Variants in CNIH3 observed in about 807,000 individuals in gnomAD.
The protein encoded by CNIH3 is cornichon family AMPA receptor auxiliary protein 3, also known as protein cornichon homolog 3.
CNIH3 carries 14 observed loss-of-function variants against 24.1 expected under a neutral mutation model. That is an observed-to-expected ratio of 0.58 (90% CI 0.38 to 0.91). The LOEUF (loss-of-function observed/expected upper bound fraction) is 0.91, where lower values mean the gene tolerates loss of function less well. Among genes scored for constraint, CNIH3 ranks in the 40% least tolerant of loss-of-function variants. The pLI is 0.00. For synonymous variants in CNIH3, 68 were observed against 73.8 expected (o/e 0.92, Z 0.40); for missense variants, 178 against 196.8 (o/e 0.90, Z 0.57).
chr1:224,481,084 G>A (rs1007608028), intron 1 of CNIH3, among the ~76,000 whole-genome samples: 1 of 152,244 alleles, frequency 6.6e-6, no homozygotes, highest in African/African-American at 2.4e-5. Context: ...AGAAGGCGAG[G>A]AGCAGCAAGT....
chr1:224,584,922 T>C (rs1285300678), intron 5 of CNIH3, among the ~76,000 whole-genome samples: 1 of 152,218 alleles, frequency 6.6e-6, no homozygotes, highest in South Asian at 2.1e-4. Flanking sequence ...CTACATCTGC[T>C]GACATCAGCT....
At chr1:224,518,720 C>T (rs1040907345) in intron 1 of CNIH3, among the ~76,000 whole-genome samples, 16 of 152,136 alleles carry the variant, frequency 1.1e-4, no homozygotes, top group Non-Finnish European at 1.5e-4. Flanking sequence ...ACATGCAGGG[C>T]GGGAGGACTA....
In CNIH3 at chr1:224,529,724, G is replaced by C. The variant is rs1678988435; in HGVS notation, n.344-7212G>C. 1.3e-5 allele frequency among the ~76,000 whole-genome samples: 2 copies of C among 152,190 alleles called. 1 individual carries two copies. The highest frequency in any genetic ancestry group is 4.2e-4 in the South Asian group (2 of 4,818). ...TTATTTTCCAGTGCTCATGTGAGTG[G>C]GAACTGATAAGGGACTCCATGGGGA... is the stretch of plus-strand genomic sequence containing the variant. On this transcript the variant is annotated intron_variant and non_coding_transcript_variant, in intron 2 of 2. Coordinates refer to the CNIH3 transcript ENST00000470602.
At chr1:224,558,744 A>G (rs778142656) in intron 3 of CNIH3, among the ~76,000 whole-genome samples, 1 of 152,212 alleles carries the variant, frequency 6.6e-6, no homozygotes, top group Non-Finnish European at 1.5e-5. Flanking sequence ...GAATTATTAC[A>G]GCCCACTTTG....
chr1:224,630,442 G>A (rs1369678827), intron 1 of CNIH3, among the ~76,000 whole-genome samples: 1 of 151,970 alleles, frequency 6.6e-6, no homozygotes, highest in Non-Finnish European at 1.5e-5. Flanking sequence ...GCTGCCTTGA[G>A]TCACAAACGT....
At chr1:224,549,201 G>A (rs751032796) in intron 3 of CNIH3, among the ~76,000 whole-genome samples, 51 of 152,030 alleles carry the variant, frequency 3.4e-4, no homozygotes, top group Admixed American at 2.0e-4. Context: ...ATATCATAGT[G>A]TGTACACACA....
intron 2 of CNIH3, among the ~76,000 whole-genome samples, chr1:224,545,271 G>C (rs937026017): frequency 2.6e-5 from 4 of 152,174 alleles, no homozygotes; most frequent in Non-Finnish European, 5.9e-5. Context: ...TTGAACCAAT[G>C]AACGGCTTCA....
intron 3 of CNIH3, among the ~76,000 whole-genome samples, chr1:224,708,770 T>C (rs1028285499): frequency 2.0e-5 from 3 of 152,178 alleles, no homozygotes; most frequent in Non-Finnish European, 2.9e-5. Context: ...TCTCTCCTCC[T>C]TTCTCACACC....
chr1:224,466,097 A>C (rs1676143404), intron 1 of CNIH3, among the ~76,000 whole-genome samples: 1 of 152,214 alleles, frequency 6.6e-6, no homozygotes, highest in Admixed American at 6.5e-5. Flanking sequence ...GGGTTTAGTC[A>C]GATTTTACCA....
intron 1 of CNIH3, among the ~76,000 whole-genome samples, chr1:224,484,113 G>A (rs1489856461): frequency 1.3e-5 from 2 of 151,526 alleles, no homozygotes; most frequent in Non-Finnish European, 2.9e-5. Context: ...GGAGGTTGCA[G>A]TGAGCGGAGA....
chr1:224,662,232 T>C (rs971285337), intron 1 of CNIH3, among the ~76,000 whole-genome samples: 1 of 152,242 alleles, frequency 6.6e-6, no homozygotes, highest in Non-Finnish European at 1.5e-5. Flanking sequence ...ATAGCAATTA[T>C]ACCATTTACC....
chr1:224,553,180 C>A (rs1679997890), intron 3 of CNIH3, among the ~76,000 whole-genome samples: 1 of 148,660 alleles, frequency 6.7e-6, no homozygotes, highest in African/African-American at 2.5e-5. Context: ...CCTTAGATAT[C>A]ATGAATAATA....
intron 3 of CNIH3, among the ~76,000 whole-genome samples, chr1:224,697,927 A>G (rs957904816): frequency 2.0e-5 from 3 of 152,216 alleles, no homozygotes; most frequent in Non-Finnish European, 4.4e-5. Context: ...ATAAGAGAGA[A>G]TTCCTCTGAG....
intron 1 of CNIH3, among the ~76,000 whole-genome samples, chr1:224,501,054 C>G (rs1384980181): frequency 1.3e-5 from 2 of 152,204 alleles, no homozygotes; most frequent in Admixed American, 6.5e-5. Context: ...TCGTGGGCCA[C>G]CTCTGCTGCT....
chr1:224,661,312 G>A (rs1685343890), intron 1 of CNIH3: 3 of 291,450 alleles, frequency 1.0e-5, no homozygotes, highest in African/African-American at 2.3e-5. Flanking sequence ...AACCATTTCA[G>A]TAGAAGTTGA....
intron 1 of CNIH3, among the ~76,000 whole-genome samples, chr1:224,639,993 C>T (rs1241106883): frequency 6.6e-6 from 1 of 152,166 alleles, no homozygotes; most frequent in Non-Finnish European, 1.5e-5. Context: ...TGACATGTAC[C>T]CCTGCCTTTA....
chr1:224,714,482 A>C (rs1488965667), intron 3 of CNIH3, among the ~76,000 whole-genome samples: 3 of 152,222 alleles, frequency 2.0e-5, no homozygotes, highest in African/African-American at 4.8e-5. Context: ...AAATATGCAC[A>C]TGGAGCCTCG....
intron 1 of CNIH3, among the ~76,000 whole-genome samples, chr1:224,628,972 C>T (rs1431009200): frequency 6.6e-6 from 1 of 151,330 alleles, no homozygotes; most frequent in Non-Finnish European, 1.5e-5. Flanking sequence ...TTGAGTTGTC[C>T]CGCCTTTCTG....
intron 1 of CNIH3, among the ~76,000 whole-genome samples, chr1:224,520,221 A>G (rs933604110): frequency 3.3e-4 from 50 of 152,222 alleles, no homozygotes; most frequent in Non-Finnish European, 5.9e-5. Flanking sequence ...ATTTTAGGAC[A>G]CCCTAAATTT....
Sources: gnomAD v4.1 joint callset for allele counts (sites outside exome capture counted in the v4.1 genomes callset) on GRCh38, gnomAD v4.1.1 for gene constraint, MANE v1.5 for transcripts, NCBI Gene and HGNC (gene_info 2026-07-23, HGNC 2026-07-21) for gene names.